The following ZNF385B variants were observed in gnomAD, a reference collection of about 807,000 sequenced individuals.
ZNF385B encodes zinc finger protein 385B.
Under a neutral mutation model 39.2 loss-of-function variants are expected in ZNF385B, and 23 were observed. The ratio of observed to expected loss-of-function variants is 0.59; its 90% CI spans 0.42 to 0.83. ZNF385B has a LOEUF of 0.83. Ranked by LOEUF, ZNF385B falls within the 40% of genes least tolerant of loss-of-function variation. The pLI is 0.00. For missense variants in ZNF385B, 552 were observed against 598.9 expected, an observed-to-expected ratio of 0.92 and a Z score of 0.82; for synonymous variants, 205 against 222.6, an observed-to-expected ratio of 0.92 and a Z score of 0.70.
At chr2:179,461,877 A>G (rs555278866) in intron 6 of ZNF385B, among the ~76,000 whole-genome samples, 1 of 152,154 alleles carries the variant, frequency 6.6e-6, no homozygotes, top group Non-Finnish European at 1.5e-5. Context: ...AATCCATGCC[A>G]TTTATCAGGG....
intron 3 of ZNF385B, among the ~76,000 whole-genome samples, chr2:179,662,081 T>C (rs3106726): frequency 0.023 from 3,569 of 152,348 alleles, 140 homozygotes; most frequent in African/African-American, 0.08. Context: ...TTGTTATTAG[T>C]GAAGCAGATG....
At chr2:179,610,863 GTGCTACTAATTTT>G (rs1453955459) in intron 3 of ZNF385B, among the ~76,000 whole-genome samples, 1 of 151,992 alleles carries the variant, frequency 6.6e-6, no homozygotes, top group African/African-American at 2.4e-5. Flanking sequence ...GCATATAGAA[GTGCTACTAATTTT>G]TGTATGTTGA....
At chr2:179,629,462 AT>A (rs1553485236) in intron 3 of ZNF385B, among the ~76,000 whole-genome samples, 1 of 145,408 alleles carries the variant, frequency 6.9e-6, no homozygotes, top group South Asian at 2.3e-4. Context: ...TTATATATGA[AT>A]AGAGCATTGG....
At chr2:179,589,742 C>A (rs574793626) in intron 3 of ZNF385B, among the ~76,000 whole-genome samples, 27 of 152,172 alleles carry the variant, frequency 1.8e-4, no homozygotes, top group Admixed American at 3.9e-4. Context: ...CAATGAGACA[C>A]CATCAGTTTA....
chr2:179,464,983 T>C (rs925277551), intron 6 of ZNF385B, among the ~76,000 whole-genome samples: 1 of 152,192 alleles, frequency 6.6e-6, no homozygotes, highest in Non-Finnish European at 1.5e-5. Context: ...ATCTTCTCTC[T>C]GGTGCTGAAC....
At chr2:179,774,972 A>G (rs1704227100) in intron 1 of ZNF385B, among the ~76,000 whole-genome samples, 1 of 152,234 alleles carries the variant, frequency 6.6e-6, no homozygotes, top group African/African-American at 2.4e-5. Context: ...CTTTCTGAAG[A>G]TTAAAACACA....
In ZNF385B at chr2:179,535,561, G is replaced by T. The variant is rs557817142; in HGVS notation, c.441+9266C>A. On this transcript the variant is annotated intron_variant, in intron 4 of 9. Transcript: ENST00000410066. The stretch of plus-strand genomic sequence containing the variant: ...CAAAAAGGGCACAACAATGACACAT[G>T]TAATCTATTTCATATGTGGGTACAT... Among the ~76,000 whole-genome samples, 28 of 152,216 alleles carry T rather than the reference G, an allele frequency of 1.8e-4. No homozygotes were observed. The South Asian group carries it at 3.5e-3, about 19-fold the overall frequency.
intron 3 of ZNF385B, among the ~76,000 whole-genome samples, chr2:179,730,496 G>A (rs1169957822): frequency 6.6e-6 from 1 of 152,092 alleles, no homozygotes; most frequent in Non-Finnish European, 1.5e-5. Context: ...TATGGAAATT[G>A]TGCACTACTC....
At chr2:179,846,462 G>A (rs910913293) in intron 1 of ZNF385B, among the ~76,000 whole-genome samples, 2 of 152,178 alleles carry the variant, frequency 1.3e-5, no homozygotes, top group South Asian at 2.1e-4. Context: ...CAAGAATTCC[G>A]TATCCTGCTT....
At chr2:179,635,069 G>A (rs1691619180) in intron 3 of ZNF385B, among the ~76,000 whole-genome samples, 1 of 151,622 alleles carries the variant, frequency 6.6e-6, no homozygotes, top group Admixed American at 6.6e-5. Context: ...ATGAACCCAG[G>A]AGGTGGAGCT....
At chr2:179,598,649 C>T (rs1223654133) in intron 3 of ZNF385B, among the ~76,000 whole-genome samples, 1 of 151,880 alleles carries the variant, frequency 6.6e-6, no homozygotes, top group African/African-American at 2.4e-5. Context: ...CACGATACAC[C>T]AAAAGCATGA....
intron 1 of ZNF385B, among the ~76,000 whole-genome samples, chr2:179,810,623 C>T (rs1223480076): frequency 6.6e-6 from 1 of 151,844 alleles, no homozygotes; most frequent in Non-Finnish European, 1.5e-5. Flanking sequence ...CCAATCACTA[C>T]AAAATATCTT....
At chr2:179,729,548 T>C (rs1052375325) in intron 3 of ZNF385B, among the ~76,000 whole-genome samples, 3 of 152,256 alleles carry the variant, frequency 2.0e-5, no homozygotes, top group African/African-American at 7.2e-5. Context: ...GTCTTGTTCT[T>C]ACATTTCAAG....
intron 3 of ZNF385B, among the ~76,000 whole-genome samples, chr2:179,593,719 C>A (rs1393933710): frequency 6.6e-6 from 1 of 152,142 alleles, no homozygotes; most frequent in African/African-American, 2.4e-5. Context: ...AAAGTTCTTA[C>A]GCTTATCTAT....
intron 4 of ZNF385B, among the ~76,000 whole-genome samples, chr2:179,520,776 A>G (rs1316837437): frequency 1.3e-5 from 2 of 152,194 alleles, no homozygotes; most frequent in Non-Finnish European, 2.9e-5. Flanking sequence ...ATTAAACTAT[A>G]TGAATATTCC....
At chr2:179,600,318 T>C (rs1688316038) in intron 3 of ZNF385B, among the ~76,000 whole-genome samples, 2 of 151,808 alleles carry the variant, frequency 1.3e-5, no homozygotes, top group African/African-American at 4.8e-5. Context: ...TTAAAAACAA[T>C]TGACATTTCT....
At chr2:179,661,463 C>G (rs1419057045) in intron 3 of ZNF385B, among the ~76,000 whole-genome samples, 1 of 152,134 alleles carries the variant, frequency 6.6e-6, no homozygotes, top group Non-Finnish European at 1.5e-5. Context: ...AATTGTTGAG[C>G]CAATTCCCTT....
intron 3 of ZNF385B, among the ~76,000 whole-genome samples, chr2:179,693,249 T>G (rs1698486332): frequency 6.6e-6 from 1 of 152,208 alleles, no homozygotes; most frequent in Non-Finnish European, 1.5e-5. Flanking sequence ...AGAGGCTCAC[T>G]TATGTTAGCA....
At chr2:179,643,943 T>C (rs1256354711) in intron 3 of ZNF385B, among the ~76,000 whole-genome samples, 1 of 152,176 alleles carries the variant, frequency 6.6e-6, no homozygotes. Flanking sequence ...TGTTTATAAA[T>C]GTTAAAAACA....
Sources: allele counts gnomAD v4.1 joint callset (sites outside exome capture counted in the v4.1 genomes callset), GRCh38; gene constraint gnomAD v4.1.1; transcripts MANE v1.5; gene names NCBI Gene and HGNC (gene_info 2026-07-23, HGNC 2026-07-21).